ABLIM2: variants seen among roughly 807,000 people sequenced by gnomAD.
ABLIM2 encodes the protein actin binding LIM protein family member 2.
Under a neutral mutation model 97.7 loss-of-function variants are expected in ABLIM2, and 53 were observed. The observed-to-expected ratio is 0.54, with a 90% CI of 0.44 to 0.68. The LOEUF is 0.68. ABLIM2 is among the 30% of genes least tolerant of loss of function. The pLI is 0.00. For synonymous variants in ABLIM2, 361 were observed against 345.8 expected, an observed-to-expected ratio of 1.04 and a Z score of -0.49; for missense variants, 835 against 867.2, an observed-to-expected ratio of 0.96 and a Z score of 0.47.
rs1411667073 is a variant in ABLIM2, at chr4:7,976,491, C to T, written c.1824+6773G>A. ...CATTGCTCTTAGGCTAAAAACCAAACTGCTTAACACAATCCAGGGCCCTGC... is the reference window on the plus strand; with the variant it reads ...CATTGCTCTTAGGCTAAAAACCAAATTGCTTAACACAATCCAGGGCCCTGC... On this transcript the variant is annotated intron_variant, in intron 20 of 20. Coordinates refer to ENST00000447017, the MANE Select transcript of ABLIM2 (RefSeq NM_001130083.2). Among the ~76,000 whole-genome samples, 6 of 152,190 alleles carry T rather than the reference C, an allele frequency of 3.9e-5. No individual in the cohort carries two copies. In the South Asian group the frequency reaches 8.3e-4, roughly 21 times the overall value.
chr4:8,065,604 AG>A (rs1806579783), intron 6 of ABLIM2, among the ~76,000 whole-genome samples: 1 of 152,200 alleles, frequency 6.6e-6, no homozygotes, highest in South Asian at 2.1e-4. Context: ...TGGCATTTAA[AG>A]AAAATGAAGA....
At position 8,077,729 on chromosome 4, in the gene ABLIM2, G is replaced by T; in HGVS notation, c.582-8C>A. 1 of 1,608,404 alleles carries T rather than the reference G, an allele frequency of 6.2e-7. No homozygotes were observed. The highest frequency in any genetic ancestry group is 8.5e-7 in the Non-Finnish European group (1 of 1,176,852). Reference sequence around the variant, plus strand: ...CAGTAGGGCAGCCCATCCCTGCAATGAGACAGGCAGTCAACACAGGGCGGG... The same window carrying T: ...CAGTAGGGCAGCCCATCCCTGCAATTAGACAGGCAGTCAACACAGGGCGGG... On this transcript the variant is annotated splice_region_variant and splice_polypyrimidine_tract_variant and intron_variant, in intron 5 of 20. Transcript: ENST00000447017.
At chr4:8,096,727 G>A (rs145869556) in intron 3 of ABLIM2, among the ~76,000 whole-genome samples, 1 of 152,236 alleles carries the variant, frequency 6.6e-6, no homozygotes, top group Non-Finnish European at 1.5e-5. Context: ...GGGGAGGGAA[G>A]GGGGAGGCAG....
At chr4:8,076,192 C>T (rs192121141) in intron 6 of ABLIM2, among the ~76,000 whole-genome samples, 10 of 152,334 alleles carry the variant, frequency 6.6e-5, no homozygotes, top group Admixed American at 5.2e-4. Flanking sequence ...TGTGGCCACC[C>T]GTCTCCCCGC....
At chr4:8,029,284 G>A (rs536137407) in intron 11 of ABLIM2, among the ~76,000 whole-genome samples, 18 of 152,214 alleles carry the variant, frequency 1.2e-4, no homozygotes, top group South Asian at 1.0e-3. Flanking sequence ...GCTTGCAGCC[G>A]GCCAACGTCT....
intron 16 of ABLIM2, among the ~76,000 whole-genome samples, chr4:7,997,361 C>T (rs543481456): frequency 2.6e-5 from 4 of 152,166 alleles, no homozygotes; most frequent in African/African-American, 7.2e-5. Flanking sequence ...TGAGCCACTG[C>T]GCCCAGCCGC....
At chr4:7,969,205 G>C (rs1361958609) in intron 20 of ABLIM2, among the ~76,000 whole-genome samples, 2 of 152,150 alleles carry the variant, frequency 1.3e-5, no homozygotes, top group Non-Finnish European at 2.9e-5. Flanking sequence ...TGTAATCCCA[G>C]CACTTTGGGA....
intron 11 of ABLIM2, 36 bp from the exon 12 acceptor site, chr4:8,027,893 G>A: frequency 6.8e-7 from 1 of 1,474,806 alleles, no homozygotes; most frequent in Non-Finnish European, 9.1e-7. Context: ...GAGTCAACCT[G>A]GGCTGGCTGG....
At chr4:8,008,766 C>T (rs191787000) in intron 15 of ABLIM2, among the ~76,000 whole-genome samples, 1 of 152,174 alleles carries the variant, frequency 6.6e-6, no homozygotes, top group Non-Finnish European at 1.5e-5. Flanking sequence ...AATGGATGCC[C>T]CAGGGATGCA....
intron 20 of ABLIM2, among the ~76,000 whole-genome samples, chr4:7,981,167 T>A (rs1738069377): frequency 6.6e-6 from 1 of 151,776 alleles, no homozygotes; most frequent in Non-Finnish European, 1.5e-5. Context: ...ATGGTCTCGG[T>A]CTCCTGACCT....
chr4:8,019,548 C>T lies in ABLIM2; in HGVS notation c.1423+70G>A. The stretch of plus-strand genomic sequence containing the variant: ...TTTATCAGAACACAACAAAAGGATG[C>T]ATTCAGAAGCAGATGGGTATTGACA... On this transcript the variant is annotated intron_variant, in intron 14 of 20. Coordinates refer to ENST00000447017, the MANE Select transcript of ABLIM2 (RefSeq NM_001130083.2). This position sits in a 1 kb window ranked among gnomAD's most constrained non-coding sequence, Gnocchi z 4.3. 2 of 1,433,866 alleles carry T rather than the reference C, an allele frequency of 1.4e-6. No homozygotes were observed. Among genetic ancestry groups the T allele is most frequent in the Non-Finnish European group, 1.9e-6 (2 of 1,036,566 alleles). 88.8% of individuals were successfully genotyped at this position (1,433,866 alleles called of 1,614,324 possible).
At chr4:8,146,486 A>G (rs1851811106) in intron 1 of ABLIM2, among the ~76,000 whole-genome samples, 1 of 152,226 alleles carries the variant, frequency 6.6e-6, no homozygotes, top group Non-Finnish European at 1.5e-5. Flanking sequence ...TAGCGTGCAG[A>G]GCAGTCATTG....
At chr4:8,017,640 A>G (rs1178655073) in intron 14 of ABLIM2, among the ~76,000 whole-genome samples, 6 of 152,152 alleles carry the variant, frequency 3.9e-5, no homozygotes, top group Non-Finnish European at 7.3e-5. Flanking sequence ...TTAGGGTTTA[A>G]TCAAACAGGA....
At chr4:8,073,336 A>G (rs1443745951) in intron 6 of ABLIM2, among the ~76,000 whole-genome samples, 1 of 151,220 alleles carries the variant, frequency 6.6e-6, no homozygotes, top group African/African-American at 2.4e-5. Context: ...CTCTTTGTCA[A>G]GCAGAAGACA....
intron 3 of ABLIM2, among the ~76,000 whole-genome samples, chr4:8,089,105 T>C (rs1410343792): frequency 6.6e-6 from 1 of 152,244 alleles, no homozygotes; most frequent in East Asian, 1.9e-4. Flanking sequence ...ACTGAGTTTT[T>C]TGGCACCACC....
At chr4:7,997,721 G>C (rs773372835) in intron 16 of ABLIM2, among the ~76,000 whole-genome samples, 1 of 152,098 alleles carries the variant, frequency 6.6e-6, no homozygotes, top group South Asian at 2.1e-4. Flanking sequence ...GGGTTGCTGC[G>C]TATTTCCCCG....
intron 7 of ABLIM2, among the ~76,000 whole-genome samples, chr4:8,055,057 T>TTTTC (rs1333239426): frequency 6.6e-6 from 1 of 151,730 alleles, no homozygotes; most frequent in Non-Finnish European, 1.5e-5. Flanking sequence ...TGTTTTTTTT[T>TTTTC]TTTCCACCTA....
chr4:8,037,312 GCATGCGCACA>G (rs1421707821), intron 9 of ABLIM2, among the ~76,000 whole-genome samples: 7 of 148,646 alleles, frequency 4.7e-5, no homozygotes, highest in South Asian at 2.2e-4. Flanking sequence ...ACACGCACAT[GCATGCGCACA>G]CATGCACACA....
intron 3 of ABLIM2, 107 bp downstream of exon 3, chr4:8,096,992 G>C: frequency 7.4e-7 from 1 of 1,347,212 alleles, no homozygotes; most frequent in Non-Finnish European, 1.0e-6. Context: ...GCAGGATGCA[G>C]AGGGCGGGTC....
Sources: gnomAD v4.1 joint callset for allele counts (sites outside exome capture counted in the v4.1 genomes callset) on GRCh38, gnomAD v4.1.1 for gene constraint, Gnocchi (gnomAD v3.1) non-coding constraint, MANE v1.5 for transcripts, NCBI Gene and HGNC (gene_info 2026-07-23, HGNC 2026-07-21) for gene names.